The following C8B variants were observed in gnomAD, a reference collection of about 807,000 sequenced individuals.
C8B encodes the protein complement component C8 beta chain.
Under a neutral mutation model 64.6 loss-of-function variants are expected in C8B, and 67 were observed. The ratio of observed to expected loss-of-function variants is 1.04; its 90% CI spans 0.85 to 1.27. The LOEUF (loss-of-function observed/expected upper bound fraction) is 1.27. Among genes scored for constraint, C8B ranks in the 50% most tolerant of loss-of-function variants. The probability of loss-of-function intolerance (pLI) is 0.00; values close to 1 mark genes in which losing one functional copy is unlikely to be tolerated. For synonymous variants in C8B, 284 were observed against 257.7 expected (o/e 1.10, Z -0.98); for missense variants, 790 against 725.2 (o/e 1.09, Z -1.03).
At chr1:56,942,906 T>C (rs1312168851) in intron 8 of C8B, among the ~76,000 whole-genome samples, 1 of 150,914 alleles carries the variant, frequency 6.6e-6, no homozygotes, top group Non-Finnish European at 1.5e-5. Flanking sequence ...CCTGTCTCTG[T>C]AAAAAATAAA....
At chr1:56,955,313 C>A (rs1225059485) in intron 3 of C8B, among the ~76,000 whole-genome samples, 1 of 152,218 alleles carries the variant, frequency 6.6e-6, no homozygotes, top group Non-Finnish European at 1.5e-5. Flanking sequence ...GCCAAGTGCA[C>A]ATTAACTAGT....
At chr1:56,931,339 G>T (rs1644697969) in intron 11 of C8B, among the ~76,000 whole-genome samples, 1 of 152,152 alleles carries the variant, frequency 6.6e-6, no homozygotes, top group Non-Finnish European at 1.5e-5. Context: ...CAGATGCAGG[G>T]GAGTTAGATA....
rs1644988472 is a variant in C8B at position 56,949,454 on chromosome 1, G to C, written c.864+101C>G. ...CTCCAGAACTGTGAGCCAAGTAAAT[G>C]TCTTTTCTTTATAAATCATCCATTC... On this transcript the variant is annotated intron_variant, in intron 6 of 11. Transcript: ENST00000371237. 8.8e-6 allele frequency: 10 copies of C among 1,140,226 alleles called. No homozygotes were observed. The East Asian group carries it at 2.5e-4, about 28-fold the overall frequency. 70.6% of individuals were successfully genotyped at this position (1,140,226 alleles called of 1,614,324 possible).
intron 1 of C8B, chr1:56,964,021 G>A (rs773029459): frequency 1.0e-5 from 10 of 985,082 alleles, no homozygotes; most frequent in African/African-American, 1.7e-5. Flanking sequence ...GCCCCATGGG[G>A]ATTATAGGTG....
intron 6 of C8B, among the ~76,000 whole-genome samples, 168 bp downstream of exon 6, chr1:56,949,387 G>A (rs1348830769): frequency 6.6e-6 from 1 of 152,126 alleles, no homozygotes; most frequent in Admixed American, 6.6e-5. Flanking sequence ...GCAGCAAGAA[G>A]GCCCTCACTA....
At position 56,946,011 on chromosome 1, in the gene C8B, C is replaced by T. The variant is rs754717773; in HGVS notation, c.915G>A (p.Lys305=). ...ARSDLEVAHY[K]LKPRSLMLHY... is the part of the protein sequence containing the mutation. ...GGAGCATGAGGCTTCTGGGTTTCAG[C>T]TTGTAATGTGCTACTTCAAGGTCAG... Residue 305 remains lysine, a synonymous_variant, in exon 7 of 12, where the codon AAG becomes AAA. Coordinates refer to ENST00000371237, the MANE Select transcript of C8B (RefSeq NM_000066.4). 3.4e-5 allele frequency: 55 copies of T among 1,614,112 alleles called. No homozygotes were observed. Among genetic ancestry groups the T allele is most frequent in the Admixed American group, 8.3e-5 (5 of 60,018 alleles).
intron 1 of C8B, among the ~76,000 whole-genome samples, chr1:56,964,619 C>A (rs1408941397): frequency 6.6e-6 from 1 of 152,208 alleles, no homozygotes; most frequent in Non-Finnish European, 1.5e-5. Context: ...CCTTTCCAGG[C>A]CCTATGCCCT....
chr1:56,937,703 A>G (rs772558745), intron 9 of C8B, among the ~76,000 whole-genome samples: 24 of 152,226 alleles, frequency 1.6e-4, no homozygotes, highest in Non-Finnish European at 3.1e-4. Context: ...TATCCCATGC[A>G]ATATTTCGGA....
At position 56,941,012 on chromosome 1, in the gene C8B, T is replaced by C. The variant is rs374700138; in HGVS notation, c.1235A>G (p.Asp412Gly). 4 of 1,613,876 alleles carry C rather than the reference T, an allele frequency of 2.5e-6. No individual in the cohort carries two copies. Among genetic ancestry groups the C allele is most frequent in the African/African-American group, 1.3e-5 (1 of 74,898 alleles). ...CACCATGGTGTCCCTCTTGTTTCTG[T>C]CTGGAATGGACACAGAGCTAGCAGG... ...KCRGILNEIK[D>G]RNKRDTMVED... The change falls in exon 9 of 12, where the codon GAC (aspartate) becomes GGC (glycine). Residue 412 changes from aspartate to glycine, a missense_variant and splice_region_variant. Physicochemically the swap from Asp to Gly is moderately conservative, Grantham distance 94. Transcript: ENST00000371237.
rs111829051 is a variant in C8B at position 56,952,667 on chromosome 1, C to T, written c.534-487G>A. Among the ~76,000 whole-genome samples, 12 of 152,240 alleles carry T rather than the reference C, an allele frequency of 7.9e-5. No homozygotes were observed. In the East Asian group the frequency reaches 9.7e-4, roughly 12 times the overall value. On this transcript the variant is annotated intron_variant, in intron 4 of 11. Transcript: ENST00000371237. Reference sequence around the variant, plus strand: ...AGTTGGGTAGCATAATAGATAAGTGCGTGGACTTTGGAGCCAGACGTCTGA... The same window carrying T: ...AGTTGGGTAGCATAATAGATAAGTGTGTGGACTTTGGAGCCAGACGTCTGA...
chr1:56,954,550 G>A, intron 4 of C8B, 136 bp downstream of exon 4: 1 of 1,208,346 alleles, frequency 8.3e-7, no homozygotes. Context: ...AACCGGAAGT[G>A]TTACTTACAA....
At chr1:56,947,924 C>T (rs1203474315) in intron 6 of C8B, among the ~76,000 whole-genome samples, 2 of 148,998 alleles carry the variant, frequency 1.3e-5, no homozygotes, top group African/African-American at 2.5e-5. Flanking sequence ...GAGCAAGACT[C>T]TGTCTCAAAA....
At chr1:56,953,148 A>G (rs1315363175) in intron 4 of C8B, among the ~76,000 whole-genome samples, 2 of 152,198 alleles carry the variant, frequency 1.3e-5, no homozygotes, top group East Asian at 1.9e-4. Flanking sequence ...CCCTCCTTAG[A>G]CATTATTTGT....
intron 8 of C8B, among the ~76,000 whole-genome samples, chr1:56,943,294 T>C (rs1644891954): frequency 6.6e-6 from 1 of 152,120 alleles, no homozygotes; most frequent in African/African-American, 2.4e-5. Context: ...CAGATAACTA[T>C]GTAAGATGTT....
chr1:56,963,271 A>G (rs919294214), intron 1 of C8B, among the ~76,000 whole-genome samples: 1 of 152,184 alleles, frequency 6.6e-6, no homozygotes, highest in Non-Finnish European at 1.5e-5. Context: ...GTCAGCAGTA[A>G]ATTGCAAGCC....
chr1:56,961,742 C>T (rs1645183581), intron 1 of C8B, among the ~76,000 whole-genome samples: 1 of 152,084 alleles, frequency 6.6e-6, no homozygotes, highest in Non-Finnish European at 1.5e-5. Flanking sequence ...TGGCAAAAGT[C>T]CTAAAAAGAG....
intron 6 of C8B, among the ~76,000 whole-genome samples, chr1:56,946,280 A>G (rs1385782431): frequency 6.6e-6 from 1 of 152,042 alleles, no homozygotes; most frequent in East Asian, 1.9e-4. Flanking sequence ...CTCTTAACTC[A>G]CCTCCTTACT....
chr1:56,952,816 A>G (rs1406035205), intron 4 of C8B, among the ~76,000 whole-genome samples: 1 of 152,206 alleles, frequency 6.6e-6, no homozygotes, highest in Non-Finnish European at 1.5e-5. Context: ...CCATGAAAAT[A>G]CTACCTCATG....
chr1:56,951,982 ACCAT>A, intron 5 of C8B, 62 bp downstream of exon 5: 1 of 786,722 alleles, frequency 1.3e-6, no homozygotes, highest in Non-Finnish European at 1.8e-6. Flanking sequence ...GTCAGGCCGG[ACCAT>A]GGACCCTGCT....
Sources: gnomAD v4.1 joint callset for allele counts (sites outside exome capture counted in the v4.1 genomes callset) on GRCh38, gnomAD v4.1.1 for gene constraint, MANE v1.5 for transcripts, NCBI Gene and HGNC (gene_info 2026-07-23, HGNC 2026-07-21) for gene names.